DCT: variants seen among roughly 807,000 people sequenced by gnomAD.
DCT encodes the protein dopachrome tautomerase, also known as L-dopachrome tautomerase.
DCT carries 47 observed loss-of-function variants against 53.0 expected under a neutral mutation model. The ratio of observed to expected loss-of-function variants is 0.89; its 90% CI spans 0.70 to 1.13. The LOEUF (loss-of-function observed/expected upper bound fraction) is 1.13, where lower values mean the gene tolerates loss of function less well. Ranked by LOEUF, DCT falls within the 50% of genes most tolerant of loss-of-function variation. The pLI is 0.00. For synonymous variants in DCT, 244 were observed against 237.0 expected (o/e 1.03, Z -0.27); for missense variants, 669 against 637.4 (o/e 1.05, Z -0.53).
At position 94,438,537 on chromosome 13, in the gene DCT, T is replaced by G. The variant is rs1882055182; in HGVS notation, c.*1361A>C. Reference sequence around the variant, plus strand: ...ACCTCTTAACACCCATTCTTTACATTCATTCATTCCAGTAGAGAGGGGCCT... The same window carrying G: ...ACCTCTTAACACCCATTCTTTACATGCATTCATTCCAGTAGAGAGGGGCCT... On this transcript the variant is annotated 3_prime_UTR_variant, in exon 8 of 8. Coordinates refer to ENST00000377028, the MANE Select transcript of DCT (RefSeq NM_001922.5). 1 of 453,562 alleles carries G rather than the reference T, an allele frequency of 2.2e-6. No homozygotes were observed. Among genetic ancestry groups the G allele is most frequent in the African/African-American group, 2.0e-5 (1 of 49,984 alleles). The allele number at this position is 453,562 out of a possible 1,614,324, so 28.1% of individuals were successfully genotyped here. A position where few individuals can be genotyped will look rare whatever the true frequency, so the allele number is the denominator to read the frequency against.
chr13:94,484,563 T>G (rs906694875), upstream of DCT, among the ~76,000 whole-genome samples: 1 of 152,288 alleles, frequency 6.6e-6, no homozygotes, highest in East Asian at 1.9e-4. Context: ...TTTCCCACAG[T>G]TCCAGAGGCT....
At chr13:94,464,760 C>T (rs1424844304) in intron 4 of DCT, among the ~76,000 whole-genome samples, 2 of 152,040 alleles carry the variant, frequency 1.3e-5, no homozygotes, top group African/African-American at 2.4e-5. Flanking sequence ...CCAGGTGTTC[C>T]AGGACAGAGA....
intron 1 of DCT, among the ~76,000 whole-genome samples, chr13:94,472,973 T>C (rs1036948906): frequency 2.6e-5 from 4 of 152,212 alleles, no homozygotes; most frequent in African/African-American, 9.6e-5. Context: ...CTGTCTTACA[T>C]ATGACTATAC....
chr13:94,543,072 G>T, the DCT span, among the ~76,000 whole-genome samples: 1 of 152,072 alleles, frequency 6.6e-6, no homozygotes, highest in African/African-American at 2.4e-5. Context: ...AACCGGACAG[G>T]GTTATCCTGT....
chr13:94,503,104 C>T, the DCT span, among the ~76,000 whole-genome samples: 1 of 152,060 alleles, frequency 6.6e-6, no homozygotes, highest in African/African-American at 2.4e-5. Flanking sequence ...AGGTTGGGTG[C>T]GGTGGCTCAT....
the DCT span, among the ~76,000 whole-genome samples, chr13:94,485,286 C>T: frequency 6.6e-6 from 1 of 152,148 alleles, no homozygotes. Context: ...GAGACTTTAG[C>T]ACAGGTAGAA....
chr13:94,546,934 C>T, the DCT span, among the ~76,000 whole-genome samples: 2 of 152,062 alleles, frequency 1.3e-5, no homozygotes, highest in African/African-American at 4.8e-5. The surrounding 1 kb of genome is among the most constrained non-coding windows in gnomAD (Gnocchi z 4.2). Context: ...CCCTCCCAAG[C>T]ACTAGCAGGC....
At chr13:94,510,825 T>C in the DCT span, among the ~76,000 whole-genome samples, 1 of 152,294 alleles carries the variant, frequency 6.6e-6, no homozygotes, top group Middle Eastern at 3.4e-3. Context: ...AAATTGGCTC[T>C]TCCTCTCCTG....
the DCT span, among the ~76,000 whole-genome samples, chr13:94,545,035 C>T: frequency 6.6e-6 from 1 of 152,116 alleles, no homozygotes; most frequent in Non-Finnish European, 1.5e-5. Flanking sequence ...TATTCTCCCA[C>T]CCTTCACCCT....
chr13:94,500,493 T>G, the DCT span, among the ~76,000 whole-genome samples: 2,825 of 152,306 alleles, frequency 0.019, 92 homozygotes, highest in African/African-American at 0.063. Flanking sequence ...TAATTCAAAA[T>G]GAGATTTGGG....
At chr13:94,447,260 A>AG (rs1013010789) in intron 6 of DCT, among the ~76,000 whole-genome samples, 1 of 152,184 alleles carries the variant, frequency 6.6e-6, no homozygotes, top group Non-Finnish European at 1.5e-5. Flanking sequence ...TTCACGGACC[A>AG]GGGGGTGGTG....
chr13:94,482,021 T>C (rs1440053463), upstream of DCT, among the ~76,000 whole-genome samples: 1 of 152,202 alleles, frequency 6.6e-6, no homozygotes, highest in Non-Finnish European at 1.5e-5. Flanking sequence ...ACAATAAGAA[T>C]AGAAATTGAG....
At chr13:94,466,683 G>A in intron 2 of DCT, 25 bp from the exon 3 acceptor site, 1 of 1,472,284 alleles carries the variant, frequency 6.8e-7, no homozygotes, top group Non-Finnish European at 9.4e-7. Flanking sequence ...AAACATATTA[G>A]AGATGACAGA....
chr13:94,479,841 T>C (rs1885362384), upstream of DCT, among the ~76,000 whole-genome samples: 5 of 152,148 alleles, frequency 3.3e-5, no homozygotes. Context: ...ATAAAGGAGA[T>C]CACTTCTGGC....
chr13:94,465,516 C>A, intron 4 of DCT, 117 bp downstream of exon 4: 3 of 862,684 alleles, frequency 3.5e-6, no homozygotes. Flanking sequence ...TTTTTAGAAA[C>A]ATGTAAATAG....
At chr13:94,501,634 CAGAGAGAG>C in the DCT span, among the ~76,000 whole-genome samples, 2 of 148,632 alleles carry the variant, frequency 1.3e-5, no homozygotes, top group Non-Finnish European at 3.0e-5. Context: ...AAGACAGAGA[CAGAGAGAG>C]AGAGAGAGAG....
chr13:94,531,470 C>A, the DCT span, among the ~76,000 whole-genome samples: 1 of 152,052 alleles, frequency 6.6e-6, no homozygotes, highest in African/African-American at 2.4e-5. Flanking sequence ...AGAACGGAGG[C>A]CTCAGAAATA....
intron 1 of DCT, among the ~76,000 whole-genome samples, chr13:94,476,773 T>C (rs1362594164): frequency 6.6e-6 from 1 of 152,104 alleles, no homozygotes; most frequent in Admixed American, 6.5e-5. Flanking sequence ...CAGCACTTTT[T>C]CATTGATTGA....
chr13:94,480,327 G>A (rs183989028), upstream of DCT, among the ~76,000 whole-genome samples: 17 of 152,308 alleles, frequency 1.1e-4, no homozygotes, highest in East Asian at 9.6e-4. Flanking sequence ...GCATGACTGA[G>A]CTTCAGTCTA....
Sources: allele counts gnomAD v4.1 joint callset (sites outside exome capture counted in the v4.1 genomes callset), GRCh38; gene constraint gnomAD v4.1.1; non-coding constraint Gnocchi (gnomAD v3.1); transcripts MANE v1.5; gene names NCBI Gene and HGNC (gene_info 2026-07-23, HGNC 2026-07-21).